The following ARHGAP10 variants were observed in gnomAD, a reference collection of about 807,000 sequenced individuals.
The protein encoded by ARHGAP10 is Rho GTPase activating protein 10, also known as rho GTPase-activating protein 10.
A neutral mutation model predicts 108.6 loss-of-function variants in ARHGAP10; 87 were observed. That is an observed-to-expected ratio of 0.80 (90% confidence interval 0.67 to 0.96). The LOEUF is 0.96. Ranked by LOEUF, ARHGAP10 falls within the 40% of genes least tolerant of loss-of-function variation. The pLI is 0.00. For synonymous variants in ARHGAP10, 347 were observed against 341.1 expected (o/e 1.02, Z -0.19); for missense variants, 939 against 954.5 (o/e 0.98, Z 0.21).
At chr4:147,795,756 G>A (rs1338636912) in intron 1 of ARHGAP10, among the ~76,000 whole-genome samples, 4 of 150,734 alleles carry the variant, frequency 2.7e-5, no homozygotes, top group East Asian at 1.9e-4. Flanking sequence ...GTGCTGTGGC[G>A]TGATCTTGGC....
At chr4:148,056,106 A>G (rs1560895874) in intron 20 of ARHGAP10, among the ~76,000 whole-genome samples, 1 of 152,248 alleles carries the variant, frequency 6.6e-6, no homozygotes, top group Non-Finnish European at 1.5e-5. Flanking sequence ...AGAATTGAGT[A>G]GTTGCAGAAG....
At chr4:147,905,102 A>G (rs1385389454) in intron 10 of ARHGAP10, among the ~76,000 whole-genome samples, 48 of 151,976 alleles carry the variant, frequency 3.2e-4, no homozygotes, top group African/African-American at 8.0e-4. Context: ...TTGTAAATTT[A>G]TTTGAGTTCA....
intron 1 of ARHGAP10, among the ~76,000 whole-genome samples, chr4:147,791,199 T>C (rs974402375): frequency 1.1e-4 from 17 of 151,224 alleles, no homozygotes; most frequent in African/African-American, 3.9e-4. Flanking sequence ...GCAGCCTCTG[T>C]GTCCCAGGTT....
chr4:147,863,901 C>T (rs544999971), intron 5 of ARHGAP10: 1 of 152,324 alleles, frequency 6.6e-6, no homozygotes, highest in South Asian at 2.1e-4. Context: ...TCCTCACCAA[C>T]ACCACTACTT....
intron 1 of ARHGAP10, among the ~76,000 whole-genome samples, chr4:147,744,145 G>C (rs1289781669): frequency 6.6e-6 from 1 of 152,210 alleles, no homozygotes; most frequent in Non-Finnish European, 1.5e-5. Context: ...TGCGATGACT[G>C]TAGTTAACAG....
Position 147,904,338 on chromosome 4 carries a change from C to T in ARHGAP10, c.1035-2300C>T, listed in dbSNP as rs1051286878. On this transcript the variant is annotated intron_variant, in intron 10 of 22. Coordinates refer to ENST00000336498, the MANE Select transcript of ARHGAP10 (RefSeq NM_024605.4). Reference sequence around the variant, plus strand: ...TGCTGGTGTGCTGCATCCATTAACTCGTCATTTAGCATTAGGTATATCTCC... The same window carrying T: ...TGCTGGTGTGCTGCATCCATTAACTTGTCATTTAGCATTAGGTATATCTCC... 9.9e-5 allele frequency among the ~76,000 whole-genome samples: 15 copies of T among 152,122 alleles called. 1 individual carries two copies. The highest frequency in any genetic ancestry group is 2.4e-4 in the African/African-American group (10 of 41,488).
chr4:147,972,633 C>T (rs1184932424), intron 18 of ARHGAP10, among the ~76,000 whole-genome samples: 1 of 152,174 alleles, frequency 6.6e-6, no homozygotes, highest in East Asian at 1.9e-4. Flanking sequence ...GTGCTAGTGT[C>T]AGGGTTGTCT....
rs1390022821 is a variant in ARHGAP10 at position 147,906,557 on chromosome 4, T to A, written c.1035-81T>A. 3.7e-6 allele frequency: 5 copies of A among 1,340,122 alleles called. No homozygotes were observed. In the East Asian group the frequency reaches 7.0e-5, roughly 19 times the overall value. The allele number at this position is 1,340,122 out of a possible 1,614,324, so 83.0% of individuals were successfully genotyped here. On this transcript the variant is annotated intron_variant, in intron 10 of 22. Transcript: ENST00000336498. ...ACCACAGATAAAAGTAAAAAAAAAA[T>A]GGTTACAACAGTTAAATCTTAGGAA...
At chr4:147,884,436 A>G (rs1033755377) in intron 10 of ARHGAP10, among the ~76,000 whole-genome samples, 1 of 152,198 alleles carries the variant, frequency 6.6e-6, no homozygotes. Context: ...ATAAAATTTC[A>G]TGTTAATGTG....
At chr4:147,782,014 AGTT>A (rs887576248) in intron 1 of ARHGAP10, among the ~76,000 whole-genome samples, 20 of 152,198 alleles carry the variant, frequency 1.3e-4, no homozygotes, top group Admixed American at 1.0e-3. Flanking sequence ...GTCGCTGAAT[AGTT>A]TTACCGCTTA....
intron 1 of ARHGAP10, among the ~76,000 whole-genome samples, chr4:147,741,690 A>G (rs565363872): frequency 6.6e-6 from 1 of 151,802 alleles, no homozygotes; most frequent in East Asian, 1.9e-4. Flanking sequence ...TCTCTTTATA[A>G]ACACATACAC....
chr4:147,761,235 T>C (rs1579010981), intron 1 of ARHGAP10, among the ~76,000 whole-genome samples: 2 of 152,146 alleles, frequency 1.3e-5, no homozygotes, highest in African/African-American at 4.8e-5. Context: ...CATTCTGGTC[T>C]TGAACTCCTG....
chr4:147,908,521 G>A (rs1166837572), intron 11 of ARHGAP10, among the ~76,000 whole-genome samples: 3 of 152,284 alleles, frequency 2.0e-5, no homozygotes, highest in Middle Eastern at 3.4e-3. Context: ...ACAATATTCA[G>A]CTATGTATTT....
intron 18 of ARHGAP10, among the ~76,000 whole-genome samples, chr4:147,976,242 A>G (rs1223451771): frequency 6.6e-6 from 1 of 152,224 alleles, no homozygotes; most frequent in Non-Finnish European, 1.5e-5. Context: ...CTCTTTAAAA[A>G]ACATCTAGCC....
chr4:147,993,947 G>A (rs1439761584), intron 18 of ARHGAP10, among the ~76,000 whole-genome samples: 1 of 152,204 alleles, frequency 6.6e-6, no homozygotes, highest in East Asian at 1.9e-4. Context: ...ACCCTGAAAG[G>A]GTAGATAGTA....
chr4:147,783,794 A>G lies in ARHGAP10; in HGVS notation c.155-38933A>G, dbSNP rs551879117. 1.0e-3 allele frequency among the ~76,000 whole-genome samples: 88 copies of G among 85,314 alleles called. 1 individual carries two copies. The highest frequency in any genetic ancestry group is 0.019 in the Middle Eastern group (1 of 54). The allele number at this position is 85,314 out of a possible 152,430, so 56.0% of individuals were successfully genotyped here. On this transcript the variant is annotated intron_variant, in intron 1 of 22. Coordinates refer to ENST00000336498, the MANE Select transcript of ARHGAP10 (RefSeq NM_024605.4). ...ATATTTATATAACACACATTAAATT[A>G]TGTATTATATTTATATAACACACAT...
intron 20 of ARHGAP10, among the ~76,000 whole-genome samples, chr4:148,057,948 G>T (rs1729432424): frequency 6.6e-6 from 1 of 152,186 alleles, no homozygotes; most frequent in Non-Finnish European, 1.5e-5. Flanking sequence ...CTCCCCCAAC[G>T]CCGTGGGTTA....
chr4:147,887,509 A>AT (rs1181250543), intron 10 of ARHGAP10, among the ~76,000 whole-genome samples: 9 of 152,016 alleles, frequency 5.9e-5, no homozygotes, highest in East Asian at 1.9e-4. Flanking sequence ...TTTACTGCCC[A>AT]TTTTTTAACT....
Position 147,732,465 on chromosome 4 carries a change from G to A in ARHGAP10, c.154+10G>A. 1.9e-6 allele frequency: 3 copies of A among 1,610,500 alleles called. No individual in the cohort carries two copies. Among genetic ancestry groups the A allele is most frequent in the Non-Finnish European group, 2.5e-6 (3 of 1,178,220 alleles). On this transcript the variant is annotated intron_variant, in intron 1 of 22. Coordinates refer to ENST00000336498, the MANE Select transcript of ARHGAP10 (RefSeq NM_024605.4). ...ATCGCTGCGACGAAAAGTAAGCGGG[G>A]ACGCGGGCGCGGACGGGCTGCGGCG... is the stretch of plus-strand genomic sequence containing the variant.
Sources: gnomAD v4.1 joint callset for allele counts (sites outside exome capture counted in the v4.1 genomes callset) on GRCh38, gnomAD v4.1.1 for gene constraint, MANE v1.5 for transcripts, NCBI Gene and HGNC (gene_info 2026-07-23, HGNC 2026-07-21) for gene names.